PSMA1: variants seen among roughly 807,000 people sequenced by gnomAD.
The protein encoded by PSMA1 is proteasome 20S subunit alpha 1.
Under a neutral mutation model 38.4 loss-of-function variants are expected in PSMA1, and 3 were observed. The ratio of observed to expected loss-of-function variants is 0.08; its 90% CI spans 0.04 to 0.20. The LOEUF (loss-of-function observed/expected upper bound fraction) is 0.20. Ranked by LOEUF, PSMA1 falls within the 10% of genes least tolerant of loss-of-function variation. PSMA1 has a pLI of 1.00. For missense variants in PSMA1, 227 were observed against 325.3 expected, an observed-to-expected ratio of 0.70 and a Z score of 2.32; for synonymous variants, 101 against 107.1, an observed-to-expected ratio of 0.94 and a Z score of 0.35.
chr11:14,579,169 T>A (rs1252900917), intron 2 of PSMA1, among the ~76,000 whole-genome samples: 3 of 152,230 alleles, frequency 2.0e-5, no homozygotes, highest in Non-Finnish European at 4.4e-5. Context: ...ACAAACCTCG[T>A]GACTTAAAAC....
At chr11:14,631,833 T>G (rs1436709307) in intron 1 of PSMA1, among the ~76,000 whole-genome samples, 1 of 151,666 alleles carries the variant, frequency 6.6e-6, no homozygotes, top group Admixed American at 6.6e-5. Context: ...GGACTTGCTT[T>G]ATGAATCTTG....
At chr11:14,638,529 CTCTCTCTCTCTCTCTCTA>C (rs1434099954) in intron 1 of PSMA1, among the ~76,000 whole-genome samples, 2 of 26,642 alleles carry the variant, frequency 7.5e-5, no homozygotes, top group African/African-American at 3.2e-4. Context: ...CTCTCTCTCT[CTCTCTCTCTCTCTCTCTA>C]TATATATATA....
In PSMA1 at chr11:14,564,204, C is replaced by A. The variant is rs554694582; in HGVS notation, c.22-45163G>T. On this transcript the variant is annotated intron_variant, in intron 2 of 10. Coordinates refer to the PSMA1 transcript ENST00000418988. ...TCATACCCACCATCCTCCTACCCCC[C>A]CACCCCACCTACTCTGTTACCCTGG... is the stretch of plus-strand genomic sequence containing the variant. 9.2e-5 allele frequency among the ~76,000 whole-genome samples: 14 copies of A among 152,262 alleles called. No individual in the cohort carries two copies. In the South Asian group the frequency reaches 2.7e-3, roughly 29 times the overall value.
rs528767703 is a variant in PSMA1, at chr11:14,513,623, C to T, written c.491G>A (p.Arg164His). ...FDCRAMSIGA[R>H]SQSARTYLER... ...CAAGTAAGTACGAGCTGATTGGGAA[C>T]GGGCTCCAATGGACATGGCTCTGCA... The change falls in exon 7 of 10, where the codon CGT becomes CAT. Residue 164 changes from arginine to histidine, a missense_variant. Physicochemically the swap from Arg to His is conservative, Grantham distance 29. Coordinates refer to ENST00000396394, the MANE Select transcript of PSMA1 (RefSeq NM_002786.4). 4.4e-6 allele frequency: 7 copies of T among 1,587,442 alleles called. No individual in the cohort carries two copies. The highest frequency in any genetic ancestry group is 5.1e-6 in the Non-Finnish European group (6 of 1,171,474).
At chr11:14,595,183 C>G (rs1197255516) in intron 2 of PSMA1, among the ~76,000 whole-genome samples, 1 of 152,118 alleles carries the variant, frequency 6.6e-6, no homozygotes, top group East Asian at 1.9e-4. Context: ...GGTTCCAAGT[C>G]TTTGCTATTG....
Position 14,590,383 on chromosome 11 carries a change from TTTTG to T in PSMA1, c.21+20579_21+20582del, listed in dbSNP as rs549825896. On this transcript the variant is annotated intron_variant, in intron 2 of 10. Coordinates refer to the PSMA1 transcript ENST00000418988. The stretch of plus-strand genomic sequence containing the variant: ...AACTTAAAAAGAAAAACAGGGTTTT[TTTTG>T]TTTGTTTGTTAGTTTTCAAAAGAGT... 2.1e-4 allele frequency among the ~76,000 whole-genome samples: 32 copies of T among 152,348 alleles called. No homozygotes were observed. In the South Asian group the frequency reaches 6.0e-3, roughly 29 times the overall value.
At chr11:14,638,404 T>G (rs1256463777) in intron 1 of PSMA1, among the ~76,000 whole-genome samples, 1 of 151,142 alleles carries the variant, frequency 6.6e-6, no homozygotes, top group Admixed American at 6.6e-5. Flanking sequence ...AAAAGAATAG[T>G]CTTACACTTT....
intron 2 of PSMA1, among the ~76,000 whole-genome samples, chr11:14,570,710 G>C (rs573454899): frequency 3.6e-4 from 55 of 152,306 alleles, no homozygotes; most frequent in African/African-American, 1.3e-3. Context: ...TATGTGAAAA[G>C]ACCAAATCTA....
intron 2 of PSMA1, among the ~76,000 whole-genome samples, chr11:14,558,744 G>A (rs1014378517): frequency 6.6e-6 from 1 of 152,208 alleles, no homozygotes; most frequent in Non-Finnish European, 1.5e-5. Context: ...TGTCTTAAAG[G>A]AGCCACTGGG....
Position 14,514,414 on chromosome 11 carries a change from A to C in PSMA1, c.332T>G (p.Leu111Arg). 1.2e-6 allele frequency: 2 copies of C among 1,606,962 alleles called. No homozygotes were observed. The highest frequency in any genetic ancestry group is 1.7e-6 in the Non-Finnish European group (2 of 1,175,118). The part of the protein sequence containing the change: ...RPLPVSRLVS[L>R]IGSKTQIPTQ... ...CATAAAAAGGATACTGCTTCCAATT[A>C]GAGATACAAGACGAGACACAGGCAG... The change falls in exon 5 of 10, where the codon CTA becomes CGA. Residue 111 changes from leucine (L) to arginine (R), a missense_variant. Transcript: ENST00000396394.
At chr11:14,594,419 A>AG (rs758904198) in intron 2 of PSMA1, among the ~76,000 whole-genome samples, 110 of 152,092 alleles carry the variant, frequency 7.2e-4, no homozygotes, top group Non-Finnish European at 1.3e-3. Flanking sequence ...GGCACAGGGA[A>AG]GGGGGGGGTT....
chr11:14,521,019 T>C (rs1851519183), upstream of PSMA1, among the ~76,000 whole-genome samples: 1 of 148,746 alleles, frequency 6.7e-6, no homozygotes, highest in African/African-American at 2.5e-5. Context: ...CTAATGTCTT[T>C]CTATGCCCCC....
chr11:14,523,524 G>T (rs1450004937), upstream of PSMA1, among the ~76,000 whole-genome samples: 1 of 151,408 alleles, frequency 6.6e-6, no homozygotes, highest in Non-Finnish European at 1.5e-5. Flanking sequence ...CTCCCTCCTT[G>T]GCCTCCCAAA....
intron 2 of PSMA1, among the ~76,000 whole-genome samples, chr11:14,539,959 T>G (rs1292895759): frequency 1.3e-5 from 2 of 151,714 alleles, no homozygotes; most frequent in African/African-American, 2.4e-5. Flanking sequence ...AATGAGAGAA[T>G]AAAAATAGAC....
chr11:14,539,109 G>A (rs1254632761), intron 2 of PSMA1, among the ~76,000 whole-genome samples: 1 of 152,172 alleles, frequency 6.6e-6, no homozygotes, highest in Admixed American at 6.5e-5. Flanking sequence ...AATTTCAACA[G>A]AAGGTAATAC....
intron 2 of PSMA1, among the ~76,000 whole-genome samples, chr11:14,594,579 T>G (rs1025821462): frequency 2.0e-5 from 3 of 152,214 alleles, no homozygotes; most frequent in African/African-American, 7.2e-5. Context: ...TTAATCAAAA[T>G]TGTAGATGTC....
chr11:14,588,985 T>G (rs1437132356), intron 2 of PSMA1, among the ~76,000 whole-genome samples: 1 of 152,196 alleles, frequency 6.6e-6, no homozygotes, highest in Non-Finnish European at 1.5e-5. Context: ...CTTACTACCC[T>G]TCCTTTTACT....
At position 14,544,330 on chromosome 11, in the gene PSMA1, G is replaced by A. The variant is rs574172677; in HGVS notation, c.22-25289C>T. ...ATTACAGGCGTGAGCTACCGTGCCC[G>A]GCCGGTAAATTAATAACTTTTGTGT... On this transcript the variant is annotated intron_variant, in intron 2 of 10. Transcript: ENST00000418988. Among the ~76,000 whole-genome samples, 41 of 152,230 alleles carry A rather than the reference G, an allele frequency of 2.7e-4. 1 individual carries two copies. In the South Asian group the frequency reaches 4.8e-3, roughly 18 times the overall value.
chr11:14,611,254 T>TGG (rs1044088302), intron 1 of PSMA1: 3 of 443,292 alleles, frequency 6.8e-6, no homozygotes, highest in Admixed American at 4.0e-5. Flanking sequence ...TCTCCTCTCC[T>TGG]GGGGGTAAGT....
Sources: allele counts gnomAD v4.1 joint callset (sites outside exome capture counted in the v4.1 genomes callset), GRCh38; gene constraint gnomAD v4.1.1; transcripts MANE v1.5; gene names NCBI Gene and HGNC (gene_info 2026-07-23, HGNC 2026-07-21).